Variants in FRMPD4 observed in about 807,000 individuals in gnomAD.
FRMPD4 encodes the protein FERM and PDZ domain containing 4.
Under a neutral mutation model 94.1 loss-of-function variants are expected in FRMPD4, and 22 were observed. The observed-to-expected ratio is 0.23, with a 90% CI of 0.17 to 0.33. The LOEUF is 0.33. Ranked by LOEUF, FRMPD4 falls within the 10% of genes least tolerant of loss-of-function variation. The pLI is 1.00. For missense variants in FRMPD4, 1,111 were observed against 1,339.9 expected (o/e 0.83, Z 2.67); for synonymous variants, 631 against 548.6 (o/e 1.15, Z -2.10).
At chrX:11,854,327 C>T (rs925404735) in intron 1 of FRMPD4, among the ~76,000 whole-genome samples, 2 of 111,535 alleles carry the variant, frequency 1.8e-5, no homozygotes, top group African/African-American at 6.5e-5. Flanking sequence ...CCATAACATT[C>T]TGCCCCAGGC....
At chrX:12,125,308 A>G (rs190046197) in intron 3 of FRMPD4, among the ~76,000 whole-genome samples, 18 of 112,348 alleles carry the variant, frequency 1.6e-4, no homozygotes, top group African/African-American at 5.8e-4. Context: ...AGTTAGAAGG[A>G]TACCCCTTAT....
chrX:12,418,774 C>G (rs1275815349), intron 1 of FRMPD4, among the ~76,000 whole-genome samples: 1 of 111,910 alleles, frequency 8.9e-6, no homozygotes, highest in Non-Finnish European at 1.9e-5. Flanking sequence ...TGTAACTGAA[C>G]TTTCTTGCTG....
At chrX:12,492,503 C>T (rs2057803248) in intron 1 of FRMPD4, among the ~76,000 whole-genome samples, 2 of 112,040 alleles carry the variant, frequency 1.8e-5, no homozygotes, top group Admixed American at 1.9e-4. Flanking sequence ...CATAGTGAAA[C>T]TCTTGATTAA....
rs373547410 is a variant in FRMPD4, at chrX:11,862,716, C to A, written c.-160-2370C>A. 1.3e-4 allele frequency among the ~76,000 whole-genome samples: 15 copies of A among 111,238 alleles called. No homozygotes were observed. In the East Asian group the frequency reaches 2.0e-3, roughly 15 times the overall value. ...GGAACTCCCTGACAGTTTTGCTGAACCTTCCTTAGACATTAAGGAAGTCTA... is the reference window on the plus strand; with the variant it reads ...GGAACTCCCTGACAGTTTTGCTGAAACTTCCTTAGACATTAAGGAAGTCTA... On this transcript the variant is annotated intron_variant, in intron 1 of 18. Transcript: ENST00000640291.
Position 12,706,833 on chromosome X carries a change from C to G in FRMPD4, c.1205C>G (p.Ala402Gly), listed in dbSNP as rs1272651882. The G allele has an allele frequency of 8.7e-7, 1 of 1,153,493 alleles. No homozygotes were observed. Among genetic ancestry groups the G allele is most frequent in the Admixed American group, 2.2e-5 (1 of 45,382 alleles). The change falls in exon 12 of 17, where the codon GCA (alanine) becomes GGA (glycine). Residue 402 changes from alanine to glycine, a missense_variant. Ala to Gly is a moderately conservative substitution (Grantham distance 60). Transcript: ENST00000675598. ...TTTCTTTTCTCTCCTCAGCTCTCTG[C>G]ACTACAAGCCAAGGTCCATTATCTC... ...NLVPPGKKLSALQAKVHYLKF... is the reference protein window; with the variant it reads ...NLVPPGKKLSGLQAKVHYLKF...
chrX:11,975,637 A>G (rs888691663), intron 3 of FRMPD4, among the ~76,000 whole-genome samples: 2 of 111,682 alleles, frequency 1.8e-5, no homozygotes, highest in Admixed American at 9.5e-5. Flanking sequence ...TACTAATTCT[A>G]TTTCTGGTGA....
chrX:12,536,789 G>A (rs1236782124), intron 2 of FRMPD4, among the ~76,000 whole-genome samples: 1 of 111,110 alleles, frequency 9.0e-6, no homozygotes, highest in Non-Finnish European at 1.9e-5. Context: ...ACAGATGCTA[G>A]GAACACAAGT....
chrX:12,445,327 G>T (rs866904197), intron 1 of FRMPD4, among the ~76,000 whole-genome samples: 1 of 112,262 alleles, frequency 8.9e-6, no homozygotes, highest in Non-Finnish European at 1.9e-5. Flanking sequence ...GAATGCTGAC[G>T]TAGAGCATTC....
chrX:12,182,741 G>C (rs1007980840), intron 1 of FRMPD4, among the ~76,000 whole-genome samples: 1 of 110,904 alleles, frequency 9.0e-6, no homozygotes, highest in Non-Finnish European at 1.9e-5. Flanking sequence ...TGTAGAATTT[G>C]TAATGGACTT....
At chrX:11,864,287 G>A (rs1335984903) in intron 1 of FRMPD4, among the ~76,000 whole-genome samples, 1 of 109,291 alleles carries the variant, frequency 9.1e-6, no homozygotes, top group Admixed American at 9.9e-5. Flanking sequence ...AGCAAGCAGA[G>A]AGGATCCTGG....
At chrX:11,885,971 T>A (rs1208204343) in intron 3 of FRMPD4, among the ~76,000 whole-genome samples, 1 of 111,546 alleles carries the variant, frequency 9.0e-6, no homozygotes, top group East Asian at 2.8e-4. Flanking sequence ...TAAAGCAAAA[T>A]CTTATTAAGG....
At chrX:12,174,357 A>G (rs987782728) in intron 1 of FRMPD4, among the ~76,000 whole-genome samples, 9 of 112,335 alleles carry the variant, frequency 8.0e-5, no homozygotes, top group African/African-American at 2.9e-4. Flanking sequence ...GTGATAGGCC[A>G]GATTTGGCTC....
At chrX:12,710,607 A>T in intron 14 of FRMPD4, 70 bp downstream of exon 14, 2 of 1,023,358 alleles carry the variant, frequency 2.0e-6, no homozygotes, top group South Asian at 4.4e-5. Context: ...AATAATAAGG[A>T]TGTTTTCTGA....
chrX:12,353,325 C>T (rs186274311), intron 1 of FRMPD4, among the ~76,000 whole-genome samples: 133 of 112,304 alleles, frequency 1.2e-3, no homozygotes, highest in African/African-American at 4.2e-3. Flanking sequence ...ATCACTCAAA[C>T]ACTTTCTCTG....
At chrX:12,223,568 C>T (rs949282703) in intron 1 of FRMPD4, among the ~76,000 whole-genome samples, 29 of 111,765 alleles carry the variant, frequency 2.6e-4, no homozygotes, top group African/African-American at 9.1e-4. Context: ...ACCCATGTAA[C>T]AAACCTATAC....
At chrX:11,870,745 T>A (rs2053751705) in intron 2 of FRMPD4, among the ~76,000 whole-genome samples, 1 of 111,745 alleles carries the variant, frequency 8.9e-6, no homozygotes. Context: ...GACCCAACAG[T>A]AATAAAAATA....
At chrX:12,134,665 C>T (rs929758996), upstream of FRMPD4, among the ~76,000 whole-genome samples, 4 of 112,015 alleles carry the variant, frequency 3.6e-5, no homozygotes, top group East Asian at 2.8e-4. Context: ...GAGAATCCCC[C>T]GGGGCATAAA....
intron 1 of FRMPD4, among the ~76,000 whole-genome samples, chrX:12,478,684 G>T (rs2057634762): frequency 8.9e-6 from 1 of 112,219 alleles, no homozygotes; most frequent in African/African-American, 3.2e-5. Flanking sequence ...AAAAAGTGCA[G>T]ACACAAGATT....
intron 1 of FRMPD4, among the ~76,000 whole-genome samples, chrX:12,426,247 A>G (rs1300759879): frequency 9.0e-6 from 1 of 111,205 alleles, no homozygotes; most frequent in Non-Finnish European, 1.9e-5. Flanking sequence ...TATAGAAACA[A>G]GATAGTAACC....
Sources: allele counts gnomAD v4.1 joint callset (sites outside exome capture counted in the v4.1 genomes callset), GRCh38; gene constraint gnomAD v4.1.1; transcripts MANE v1.5; gene names NCBI Gene and HGNC (gene_info 2026-07-23, HGNC 2026-07-21).